AFTPH: variants seen among roughly 807,000 people sequenced by gnomAD.
AFTPH encodes the protein aftiphilin.
AFTPH carries 7 observed loss-of-function variants against 72.5 expected under a neutral mutation model. The ratio of observed to expected loss-of-function variants is 0.10; its 90% CI spans 0.05 to 0.18. The LOEUF is 0.18. Ranked by LOEUF, AFTPH falls within the 10% of genes least tolerant of loss-of-function variation. The probability of loss-of-function intolerance (pLI) is 1.00; values close to 1 mark genes in which losing one functional copy is unlikely to be tolerated. For missense variants in AFTPH, 979 were observed against 1,060.5 expected (o/e 0.92, Z 1.07); for synonymous variants, 337 against 370.1 (o/e 0.91, Z 1.03).
intron 1 of AFTPH, among the ~76,000 whole-genome samples, chr2:64,541,456 T>C (rs1670248352): frequency 6.6e-6 from 1 of 152,102 alleles, no homozygotes. Context: ...GAAAAAACAA[T>C]TATTTCTGTA....
intron 3 of AFTPH, among the ~76,000 whole-genome samples, chr2:64,568,111 C>G (rs1672199066): frequency 6.6e-6 from 1 of 151,578 alleles, no homozygotes; most frequent in Non-Finnish European, 1.5e-5. Flanking sequence ...TACTTTTGAG[C>G]TATTTCTTTT....
At chr2:64,557,885 A>G (rs931842021) in intron 2 of AFTPH, among the ~76,000 whole-genome samples, 10 of 152,224 alleles carry the variant, frequency 6.6e-5, no homozygotes, top group African/African-American at 2.4e-4. Context: ...TCTGGTGTTT[A>G]ATTTCAAAAT....
intron 2 of AFTPH, among the ~76,000 whole-genome samples, chr2:64,566,393 A>G (rs994962767): frequency 2.0e-5 from 3 of 152,082 alleles, no homozygotes; most frequent in African/African-American, 7.2e-5. Flanking sequence ...TCCAAAAGAG[A>G]TTTGGGTTCA....
At chr2:64,552,919 G>T (rs780253080) in exon 2 of AFTPH, 16 of 1,614,034 alleles carry the variant, frequency 9.9e-6, no homozygotes, top group Non-Finnish European at 1.4e-5. Context: ...GGAGAATTTG[G>T]GGATATAAAT....
intron 1 of AFTPH, among the ~76,000 whole-genome samples, chr2:64,534,530 C>T (rs1487007280): frequency 5.3e-5 from 8 of 152,100 alleles, no homozygotes; most frequent in Admixed American, 3.9e-4. Context: ...TCTGTGCCAG[C>T]GGATGATAGT....
At chr2:64,552,411 G>A in exon 2 of AFTPH, 1 of 1,614,056 alleles carries the variant, frequency 6.2e-7, no homozygotes, top group Non-Finnish European at 8.5e-7. Flanking sequence ...TTTCAGTGTT[G>A]AAAAACAAGG....
At chr2:64,590,140 T>C (rs1328114120) in intron 8 of AFTPH, among the ~76,000 whole-genome samples, 3 of 152,174 alleles carry the variant, frequency 2.0e-5, no homozygotes, top group Non-Finnish European at 2.9e-5. Context: ...TTGAAGACTA[T>C]TGTACCTGGC....
chr2:64,557,863 A>C (rs1040155095), intron 2 of AFTPH, among the ~76,000 whole-genome samples: 1 of 152,206 alleles, frequency 6.6e-6, no homozygotes, highest in African/African-American at 2.4e-5. Flanking sequence ...TTTTCCTCAG[A>C]AAATTTGACT....
At chr2:64,581,794 T>C (rs1464446853) in intron 7 of AFTPH, among the ~76,000 whole-genome samples, 2 of 152,226 alleles carry the variant, frequency 1.3e-5, no homozygotes, top group African/African-American at 4.8e-5. Flanking sequence ...ACTAAGTATA[T>C]AGTCCCACAT....
chr2:64,561,348 C>A (rs1671731623), intron 2 of AFTPH, among the ~76,000 whole-genome samples: 1 of 152,092 alleles, frequency 6.6e-6, no homozygotes, highest in Non-Finnish European at 1.5e-5. Context: ...GACTGTTTTT[C>A]CTCTTTATAC....
rs545598119 is a variant in AFTPH, at chr2:64,570,756, C to T, written c.2271+1077C>T. 9.3e-4 allele frequency among the ~76,000 whole-genome samples: 141 copies of T among 152,262 alleles called. 1 individual carries two copies. Among genetic ancestry groups the T allele is most frequent in the South Asian group, 1.9e-3 (9 of 4,822 alleles). On this transcript the variant is annotated intron_variant, in intron 5 of 8. Transcript: ENST00000238856. Reference sequence around the variant, plus strand: ...GCACTTTCATTCAGCATATTAGGGGCAGTGACCTACTTAATGCTTATGCGT... The same window carrying T: ...GCACTTTCATTCAGCATATTAGGGGTAGTGACCTACTTAATGCTTATGCGT...
rs1047010389 is a variant in AFTPH at position 64,524,404 on chromosome 2, A to C, written c.-241A>C. 151 of 404,602 alleles carry C rather than the reference A, an allele frequency of 3.7e-4. 1 individual carries two copies. In the East Asian group the frequency reaches 5.1e-3, roughly 14 times the overall value. 25.1% of individuals were successfully genotyped at this position (404,602 alleles called of 1,614,324 possible). On this transcript the variant is annotated 5_prime_UTR_variant, in exon 1 of 9. Coordinates refer to ENST00000238856, the Ensembl canonical transcript of AFTPH. ...GTGGAGGAGGCGGCGGCGGCGGCGGAAGAGGGCGGAGGGTAGTGGGATGGG... is the reference window on the plus strand; with the variant it reads ...GTGGAGGAGGCGGCGGCGGCGGCGGCAGAGGGCGGAGGGTAGTGGGATGGG...
chr2:64,561,274 G>A lies in AFTPH; in HGVS notation c.1936-6288G>A, dbSNP rs115844069. 2.4e-3 allele frequency among the ~76,000 whole-genome samples: 368 copies of A among 152,324 alleles called. 6 individuals carry two copies. The highest frequency in any genetic ancestry group is 8.5e-3 in the African/African-American group (354 of 41,576). ...TCTGTGAATGAAAAGGTGTGACTGA[G>A]TCACATAAACTGGTATTCAGCTAGC... On this transcript the variant is annotated intron_variant, in intron 2 of 8. Transcript: ENST00000238856.
chr2:64,532,568 G>C (rs1006226046), intron 1 of AFTPH, among the ~76,000 whole-genome samples: 1 of 152,176 alleles, frequency 6.6e-6, no homozygotes, highest in Non-Finnish European at 1.5e-5. Context: ...AAGGAGCTTT[G>C]TCAAAGGGGA....
At chr2:64,542,160 G>C (rs533568583) in intron 1 of AFTPH, among the ~76,000 whole-genome samples, 1 of 152,246 alleles carries the variant, frequency 6.6e-6, no homozygotes, top group South Asian at 2.1e-4. Flanking sequence ...AGTGTGTGCT[G>C]TATGTTTTTA....
At chr2:64,550,550 G>C (rs1670965743) in intron 1 of AFTPH, among the ~76,000 whole-genome samples, 1 of 152,104 alleles carries the variant, frequency 6.6e-6, no homozygotes, top group African/African-American at 2.4e-5. Context: ...TTAGGGTTTA[G>C]GGAAGAGTGT....
intron 2 of AFTPH, among the ~76,000 whole-genome samples, chr2:64,561,538 C>T (rs1225392552): frequency 6.6e-6 from 1 of 152,092 alleles, no homozygotes; most frequent in Non-Finnish European, 1.5e-5. Flanking sequence ...AAAAATTAGC[C>T]AGGCCTGGTG....
chr2:64,524,663 G>A, intron 1 of AFTPH, 51 bp downstream of exon 1: 1 of 395,904 alleles, frequency 2.5e-6, no homozygotes, highest in Non-Finnish European at 4.5e-6. Context: ...AGAGGGTGCG[G>A]GGACCAGGCC....
intron 1 of AFTPH, among the ~76,000 whole-genome samples, chr2:64,537,697 AG>A (rs1669971001): frequency 1.3e-5 from 2 of 152,238 alleles, no homozygotes; most frequent in African/African-American, 4.8e-5. Flanking sequence ...TCCTTAAAGT[AG>A]CATGCTTCCT....
Sources: allele counts gnomAD v4.1 joint callset (sites outside exome capture counted in the v4.1 genomes callset), GRCh38; gene constraint gnomAD v4.1.1; transcripts MANE v1.5; gene names NCBI Gene and HGNC (gene_info 2026-07-23, HGNC 2026-07-21).